PNPLA1: variants seen among roughly 807,000 people sequenced by gnomAD.
The protein encoded by PNPLA1 is omega-hydroxyceramide transacylase.
PNPLA1 carries 36 observed loss-of-function variants against 51.7 expected under a neutral mutation model. The ratio of observed to expected loss-of-function variants is 0.70; its 90% CI spans 0.53 to 0.92. PNPLA1 has a LOEUF of 0.92. PNPLA1 is among the 40% of genes least tolerant of loss of function. PNPLA1 has a pLI of 0.00. For synonymous variants in PNPLA1, 293 were observed against 280.1 expected (o/e 1.05, Z -0.46); for missense variants, 658 against 682.5 (o/e 0.96, Z 0.40).
At chr6:36,264,788 T>C (rs991681370) in intron 1 of PNPLA1, among the ~76,000 whole-genome samples, 4 of 152,206 alleles carry the variant, frequency 2.6e-5, no homozygotes, top group African/African-American at 9.7e-5. Context: ...AAAAAGATAC[T>C]ATTTAGACTG....
chr6:36,278,040 T>C (rs1415734999), intron 1 of PNPLA1, among the ~76,000 whole-genome samples: 4 of 152,198 alleles, frequency 2.6e-5, no homozygotes, highest in Non-Finnish European at 4.4e-5. Context: ...AGAATGACCC[T>C]CTGCCCCCCT....
intron 1 of PNPLA1, among the ~76,000 whole-genome samples, chr6:36,249,254 C>T (rs1769371642): frequency 6.6e-6 from 1 of 152,192 alleles, no homozygotes; most frequent in African/African-American, 2.4e-5. Context: ...ACCTTACATT[C>T]TTCCTTTTAT....
intron 5 of PNPLA1, among the ~76,000 whole-genome samples, chr6:36,300,733 G>A (rs1771016676): frequency 6.6e-6 from 1 of 152,160 alleles, no homozygotes; most frequent in South Asian, 2.1e-4. Context: ...CCATTGTGAA[G>A]TACTCTTTCT....
chr6:36,286,129 G>A (rs1770480290), intron 1 of PNPLA1, among the ~76,000 whole-genome samples: 1 of 152,230 alleles, frequency 6.6e-6, no homozygotes. Context: ...CACTTTAAAA[G>A]CTGTCTGCCT....
intron 2 of PNPLA1, 42 bp from the exon 3 acceptor site, chr6:36,293,019 C>T (rs1770734577): frequency 3.2e-6 from 5 of 1,559,888 alleles, no homozygotes; most frequent in East Asian, 4.6e-5. Flanking sequence ...CCCCACCCCA[C>T]CCCCGGGCCT....
At chr6:36,300,176 T>TGAGAGAGAGAGAGA (rs1246025508) in intron 5 of PNPLA1, among the ~76,000 whole-genome samples, 57 of 72,084 alleles carry the variant, frequency 7.9e-4, no homozygotes, top group African/African-American at 1.9e-3. Flanking sequence ...TGTGTGTGTG[T>TGAGAGAGAGAGAGA]GTGAGAGAGA....
upstream of PNPLA1, among the ~76,000 whole-genome samples, chr6:36,269,508 C>T (rs1175590278): frequency 3.3e-5 from 5 of 152,210 alleles, 1 homozygote; most frequent in South Asian, 4.1e-4. Flanking sequence ...CTATCTCAAA[C>T]TTCTCATTTC....
chr6:36,304,484 G>A (rs183514807), intron 6 of PNPLA1, among the ~76,000 whole-genome samples: 1 of 151,988 alleles, frequency 6.6e-6, no homozygotes, highest in East Asian at 1.9e-4. Flanking sequence ...AAAATTAGCC[G>A]GGCATGGTGG....
At position 36,309,555 on chromosome 6, in the gene PNPLA1, T is replaced by C. The variant is rs540348567; in HGVS notation, c.1595+1843T>C. ...CACTGCAGCAGAGAAGCGGGAACTG[T>C]GCAATTCAGCAAGAGCCACTTTGGT... On this transcript the variant is annotated intron_variant, in intron 8 of 8. Transcript: ENST00000636260. 1.7e-3 allele frequency among the ~76,000 whole-genome samples: 261 copies of C among 152,276 alleles called. 1 individual carries two copies. Among genetic ancestry groups the C allele is most frequent in the Non-Finnish European group, 3.0e-3 (203 of 68,024 alleles).
At chr6:36,282,310 T>C (rs1770343662) in intron 1 of PNPLA1, among the ~76,000 whole-genome samples, 1 of 152,242 alleles carries the variant, frequency 6.6e-6, no homozygotes, top group South Asian at 2.1e-4. Flanking sequence ...GGACTTTTTA[T>C]ACAATATTAT....
chr6:36,299,169 G>T (rs1261443199), intron 5 of PNPLA1, among the ~76,000 whole-genome samples: 1 of 152,098 alleles, frequency 6.6e-6, no homozygotes, highest in African/African-American at 2.4e-5. Flanking sequence ...GTCTCTTCCA[G>T]ATCCTATTCA....
intron 7 of PNPLA1, among the ~76,000 whole-genome samples, chr6:36,307,234 T>C (rs540069321): frequency 3.9e-5 from 6 of 152,226 alleles, no homozygotes; most frequent in Non-Finnish European, 8.8e-5. Context: ...AAAATTTACC[T>C]GCTTCCCACA....
rs185841852 is a variant in PNPLA1 at position 36,292,285 on chromosome 6, C to G, written c.438+733C>G. Among the ~76,000 whole-genome samples, 362 of 152,184 alleles carry G rather than the reference C, an allele frequency of 2.4e-3. 4 individuals carry two copies. Among genetic ancestry groups the G allele is most frequent in the African/African-American group, 5.5e-3 (230 of 41,496 alleles). ...ATGAATAGGCAGTGGGCACAGACAC[C>G]ACCTCCGTCCCTCAGGCCCCCTGGG... On this transcript the variant is annotated intron_variant, in intron 2 of 8. Transcript: ENST00000636260.
chr6:36,307,665 A>G lies in PNPLA1; in HGVS notation c.1548A>G (p.Lys516=). 2 of 1,614,008 alleles carry G rather than the reference A, an allele frequency of 1.2e-6. No homozygotes were observed. Among genetic ancestry groups the G allele is most frequent in the Non-Finnish European group, 1.7e-6 (2 of 1,179,976 alleles). Residue 516 remains lysine, a synonymous_variant, in exon 8 of 9, where the codon AAA becomes AAG. Coordinates refer to ENST00000636260, the MANE Select transcript of PNPLA1 (RefSeq NM_001374623.1). The stretch of plus-strand genomic sequence containing the variant: ...AGCAAAAGACAAGTGGCACCAGAAA[A>G]GGCTTCCCAAGACATTCGGGATCCA... The part of the protein sequence containing the change: ...KNKQKTSGTR[K]GFPRHSGSKK...
intron 1 of PNPLA1, among the ~76,000 whole-genome samples, chr6:36,282,509 T>C (rs1477733601): frequency 6.6e-6 from 1 of 152,196 alleles, no homozygotes; most frequent in Non-Finnish European, 1.5e-5. Flanking sequence ...GAAGATCTGG[T>C]AAAGCTTTGA....
At chr6:36,308,565 T>A (rs563241607) in intron 8 of PNPLA1, 1 of 152,270 alleles carries the variant, frequency 6.6e-6, no homozygotes, top group South Asian at 2.1e-4. Flanking sequence ...TCTCCTGGAC[T>A]CTGGCAAAAT....
chr6:36,295,299 C>CG, intron 4 of PNPLA1, 65 bp from the exon 5 acceptor site: 2 of 1,546,024 alleles, frequency 1.3e-6, no homozygotes, highest in Non-Finnish European at 1.8e-6. Context: ...TGCCCTGGGT[C>CG]GGGGGAACTG....
intron 1 of PNPLA1, among the ~76,000 whole-genome samples, chr6:36,244,899 G>T (rs960722611): frequency 2.6e-4 from 39 of 152,196 alleles, no homozygotes; most frequent in African/African-American, 9.2e-4. Flanking sequence ...AAGGAGAATC[G>T]GGCAGCTCAT....
chr6:36,248,768 G>T (rs180800416), intron 1 of PNPLA1, among the ~76,000 whole-genome samples: 4 of 152,178 alleles, frequency 2.6e-5, no homozygotes, highest in Non-Finnish European at 5.9e-5. Context: ...ATCCGCCCAC[G>T]TCAGCCTCCC....
Sources: allele counts gnomAD v4.1 joint callset (sites outside exome capture counted in the v4.1 genomes callset), GRCh38; gene constraint gnomAD v4.1.1; transcripts MANE v1.5; gene names NCBI Gene and HGNC (gene_info 2026-07-23, HGNC 2026-07-21).